MLEC: variants seen among roughly 807,000 people sequenced by gnomAD.
The protein encoded by MLEC is oligosaccharyltransferase complex subunit (non-catalytic).
A neutral mutation model predicts 28.7 loss-of-function variants in MLEC; 7 were observed. That is an observed-to-expected ratio of 0.24 (90% CI 0.14 to 0.46). The LOEUF (loss-of-function observed/expected upper bound fraction) is 0.46. Ranked by LOEUF, MLEC falls within the 20% of genes least tolerant of loss-of-function variation. The probability of loss-of-function intolerance (pLI) is 0.99; values close to 1 mark genes in which losing one functional copy is unlikely to be tolerated. For synonymous variants in MLEC, 142 were observed against 164.4 expected (o/e 0.86, Z 1.04); for missense variants, 237 against 391.1 (o/e 0.61, Z 3.32).
At chr12:120,688,191 G>A (rs1054980285) in intron 1 of MLEC, among the ~76,000 whole-genome samples, 1 of 152,218 alleles carries the variant, frequency 6.6e-6, no homozygotes, top group African/African-American at 2.4e-5. Flanking sequence ...ATCAGAGAAT[G>A]CTTACAACCT....
Position 120,694,953 on chromosome 12 carries a change from G to C in MLEC, c.544G>C (p.Gly182Arg), listed in dbSNP as rs149868910. The C allele has an allele frequency of 2.5e-6, 4 of 1,614,210 alleles. No individual in the cohort carries two copies. Among genetic ancestry groups the C allele is most frequent in the Non-Finnish European group, 2.5e-6 (3 of 1,180,032 alleles). The change falls in exon 3 of 5, where the codon GGG becomes CGG. Residue 182 changes from glycine to arginine, a missense_variant. Physicochemically the swap from Gly to Arg is moderately radical, Grantham distance 125. Coordinates refer to ENST00000228506, the MANE Select transcript of MLEC (RefSeq NM_014730.4). The surrounding 1 kb of genome is among the most constrained non-coding windows in gnomAD (Gnocchi z 4.5). ...CAGAAAGGGGAAGCTGAGTGTCCAG[G>C]GGGAGGTGTCCACCTTCACAGGGAA... The part of the protein sequence containing the change: ...SIRKGKLSVQ[G>R]EVSTFTGKLY...
chr12:120,691,329 T>C (rs1162234748), intron 1 of MLEC, among the ~76,000 whole-genome samples: 1 of 152,250 alleles, frequency 6.6e-6, no homozygotes, highest in Non-Finnish European at 1.5e-5. Flanking sequence ...GATTGTTTTA[T>C]CCTTACCACA....
intron 1 of MLEC, among the ~76,000 whole-genome samples, chr12:120,692,916 T>G (rs1882092399): frequency 6.6e-6 from 1 of 152,030 alleles, no homozygotes; most frequent in Non-Finnish European, 1.5e-5. Flanking sequence ...ATGTGATATC[T>G]TATATTTGCA....
At position 120,687,577 on chromosome 12, in the gene MLEC, T is replaced by C; in HGVS notation, c.235+46T>C. ...CCGCGGGATCCAGGGCCTGCTGTGCTGGGCGCAGCCGGCCGGGGGCTGCGG... is the reference window on the plus strand; with the variant it reads ...CCGCGGGATCCAGGGCCTGCTGTGCCGGGCGCAGCCGGCCGGGGGCTGCGG... On this transcript the variant is annotated intron_variant, in intron 1 of 4. Coordinates refer to ENST00000228506, the MANE Select transcript of MLEC (RefSeq NM_014730.4). The surrounding 1 kb of genome is among the most constrained non-coding windows in gnomAD (Gnocchi z 8.1). The C allele has an allele frequency of 1.4e-6, 2 of 1,401,596 alleles. No homozygotes were observed. The highest frequency in any genetic ancestry group is 1.9e-6 in the Non-Finnish European group (2 of 1,060,704). The allele number at this position is 1,401,596 out of a possible 1,614,324, so 86.8% of individuals were successfully genotyped here.
At chr12:120,695,263 TG>T in intron 4 of MLEC, 111 bp downstream of exon 4, 1 of 1,155,870 alleles carries the variant, frequency 8.7e-7, no homozygotes. Flanking sequence ...AAAGCTAAAT[TG>T]TAGGGGATTC....
At position 120,696,641 on chromosome 12, in the gene MLEC, A is replaced by C. The variant is rs1592919286; in HGVS notation, c.*96A>C. The C allele has an allele frequency of 3.9e-6, 6 of 1,519,250 alleles. No homozygotes were observed. The highest frequency in any genetic ancestry group is 2.3e-5 in the East Asian group (1 of 44,284). 94.1% of individuals were successfully genotyped at this position (1,519,250 alleles called of 1,614,324 possible). A position where few individuals can be genotyped will look rare whatever the true frequency, so the allele number is the denominator to read the frequency against. ...GTATTTTTCACAATGATTAATGAAC[A>C]AAAACAAAGAGAAAAAAACACACAT... On this transcript the variant is annotated 3_prime_UTR_variant, in exon 5 of 5. Coordinates refer to ENST00000228506, the MANE Select transcript of MLEC (RefSeq NM_014730.4). The surrounding 1 kb of genome is among the most constrained non-coding windows in gnomAD (Gnocchi z 5.4).
intron 1 of MLEC, among the ~76,000 whole-genome samples, chr12:120,688,199 C>T (rs1881900624): frequency 6.6e-6 from 1 of 152,176 alleles, no homozygotes; most frequent in South Asian, 2.1e-4. Context: ...ATGCTTACAA[C>T]CTCCCCTAGG....
At chr12:120,692,141 C>T (rs1882061648) in intron 1 of MLEC, among the ~76,000 whole-genome samples, 1 of 152,116 alleles carries the variant, frequency 6.6e-6, no homozygotes, top group African/African-American at 2.4e-5. Context: ...GCTTGGGCAA[C>T]AAGAGCGAAA....
In MLEC at chr12:120,700,637, G is replaced by A. The variant is rs947172987; in HGVS notation, c.*4092G>A. On this transcript the variant is annotated 3_prime_UTR_variant, in exon 5 of 5. Coordinates refer to ENST00000228506, the MANE Select transcript of MLEC (RefSeq NM_014730.4). This position sits in a 1 kb window ranked among gnomAD's most constrained non-coding sequence, Gnocchi z 4.0. ...TGGAAAGATATAATTAACGATCAAA[G>A]AGCTCTAAGAAAATTGCAAAGAAGC... 1 of 152,166 alleles carries A rather than the reference G, an allele frequency of 6.6e-6. No homozygotes were observed. Among genetic ancestry groups the A allele is most frequent in the Non-Finnish European group, 1.5e-5 (1 of 68,024 alleles). The allele number at this position is 152,166 out of a possible 1,614,324, so 9.4% of individuals were successfully genotyped here.
chr12:120,699,454 G>A lies in MLEC; in HGVS notation c.*2909G>A, dbSNP rs1389048840. On this transcript the variant is annotated 3_prime_UTR_variant, in exon 5 of 5. Coordinates refer to ENST00000228506, the MANE Select transcript of MLEC (RefSeq NM_014730.4). ...GAATTTCTGGGAGGATGACGCAGAT[G>A]TCTGCTGCAGAGCTGGGCTGAGAGT... The A allele has an allele frequency of 6.6e-6, 1 of 152,238 alleles. No individual in the cohort carries two copies. Among genetic ancestry groups the A allele is most frequent in the African/African-American group, 2.4e-5 (1 of 41,448 alleles). The allele number at this position is 152,238 out of a possible 1,614,324, so 9.4% of individuals were successfully genotyped here.
Position 120,696,362 on chromosome 12 carries a change from GGAAGAA to G in MLEC, c.709_714del (p.Glu237_Glu238del), listed in dbSNP as rs750509479. 1.9e-6 allele frequency: 3 copies of G among 1,613,912 alleles called. No homozygotes were observed. The highest frequency in any genetic ancestry group is 2.5e-6 in the Non-Finnish European group (3 of 1,179,922). The stretch of plus-strand genomic sequence containing the variant: ...ATCCGGGATTGGAGAAGAAAGAAGA[GGAAGAA>G]GAAGAAGAAGAATATGATGAAGGGT... On this transcript the variant is annotated inframe_deletion, in exon 5 of 5. Transcript: ENST00000228506. The surrounding 1 kb of genome is among the most constrained non-coding windows in gnomAD (Gnocchi z 5.4).
At chr12:120,695,353 C>A (rs1882190822) in intron 4 of MLEC, among the ~76,000 whole-genome samples, 1 of 152,230 alleles carries the variant, frequency 6.6e-6, no homozygotes, top group South Asian at 2.1e-4. Flanking sequence ...TATCTTGTTG[C>A]TGCCATTTAA....
chr12:120,690,714 C>G (rs1441319285), intron 1 of MLEC, among the ~76,000 whole-genome samples: 1 of 152,172 alleles, frequency 6.6e-6, no homozygotes. Context: ...AAGGAATACC[C>G]TTTCCTGGGC....
rs1476842138 is a variant in MLEC, at chr12:120,687,723, A to G, written c.235+192A>G. ...CTGGCTCCAAGGTACCTAGAGTCAT[A>G]CAGGCAGAGAGTTGGCCAGAAGTTA... On this transcript the variant is annotated intron_variant, in intron 1 of 4. Transcript: ENST00000228506. This position sits in a 1 kb window ranked among gnomAD's most constrained non-coding sequence, Gnocchi z 8.1. Among the ~76,000 whole-genome samples, 1 of 152,214 alleles carries G rather than the reference A, an allele frequency of 6.6e-6. No homozygotes were observed. Among genetic ancestry groups the G allele is most frequent in the African/African-American group, 2.4e-5 (1 of 41,456 alleles).
At position 120,696,988 on chromosome 12, in the gene MLEC, T is replaced by G. The variant is rs1014749365; in HGVS notation, c.*443T>G. ...GTCTGAAGTTATGTCTAGATAAGAC[T>G]TCAGACGTCCTGGGATTGAAAGAAT... On this transcript the variant is annotated 3_prime_UTR_variant, in exon 5 of 5. Coordinates refer to ENST00000228506, the MANE Select transcript of MLEC (RefSeq NM_014730.4). The surrounding 1 kb of genome is among the most constrained non-coding windows in gnomAD (Gnocchi z 5.4). 1 of 158,918 alleles carries G rather than the reference T, an allele frequency of 6.3e-6. No homozygotes were observed. Among genetic ancestry groups the G allele is most frequent in the Non-Finnish European group, 1.4e-5 (1 of 72,442 alleles). The allele number at this position is 158,918 out of a possible 1,614,324, so 9.8% of individuals were successfully genotyped here.
Position 120,694,679 on chromosome 12 carries a change from G to A in MLEC, c.415-145G>A, listed in dbSNP as rs1882161524. 2 of 783,070 alleles carry A rather than the reference G, an allele frequency of 2.6e-6. No individual in the cohort carries two copies. The highest frequency in any genetic ancestry group is 4.1e-6 in the Non-Finnish European group (2 of 487,880). The allele number at this position is 783,070 out of a possible 1,614,324, so 48.5% of individuals were successfully genotyped here. ...ACGGCTTTGATTTGACCCGGGTTAAGGATGCTAACCACCCTGGATATCCAG... is the reference window on the plus strand; with the variant it reads ...ACGGCTTTGATTTGACCCGGGTTAAAGATGCTAACCACCCTGGATATCCAG... On this transcript the variant is annotated intron_variant, in intron 2 of 4. Transcript: ENST00000228506. This position sits in a 1 kb window ranked among gnomAD's most constrained non-coding sequence, Gnocchi z 4.5.
Position 120,687,388 on chromosome 12 carries a change from TCGGCGTGGC to T in MLEC, c.107_115del (p.Val36_Gly38del), listed in dbSNP as rs747942503. 2.1e-4 allele frequency: 288 copies of T among 1,373,830 alleles called. 1 individual carries two copies. In the East Asian group the frequency reaches 6.7e-3, roughly 32 times the overall value. The allele number at this position is 1,373,830 out of a possible 1,614,324, so 85.1% of individuals were successfully genotyped here. On this transcript the variant is annotated inframe_deletion, in exon 1 of 5. Coordinates refer to ENST00000228506, the MANE Select transcript of MLEC (RefSeq NM_014730.4). The surrounding 1 kb of genome is among the most constrained non-coding windows in gnomAD (Gnocchi z 8.1). ...CCGCCGGCGATCCGGGGACCCGGGCTCGGCGTGGCCGGCGTGGCCGGCGCGGCGGGGGCC... is the reference window on the plus strand; with the variant it reads ...CCGCCGGCGATCCGGGGACCCGGGCTCGGCGTGGCCGGCGCGGCGGGGGCC...
chr12:120,696,684 A>G lies in MLEC; in HGVS notation c.*139A>G. The G allele has an allele frequency of 1.5e-6, 2 of 1,309,464 alleles. No homozygotes were observed. Among genetic ancestry groups the G allele is most frequent in the Non-Finnish European group, 2.1e-6 (2 of 961,314 alleles). 81.1% of individuals were successfully genotyped at this position (1,309,464 alleles called of 1,614,324 possible). On this transcript the variant is annotated 3_prime_UTR_variant, in exon 5 of 5. Transcript: ENST00000228506. This position sits in a 1 kb window ranked among gnomAD's most constrained non-coding sequence, Gnocchi z 5.4. ...ACACACATCAATTAAAGGAGACAAA[A>G]AGAGGCAGAGCGAGTAGAGAGCAGC...
intron 1 of MLEC, among the ~76,000 whole-genome samples, chr12:120,693,629 T>C (rs1030200858): frequency 5.9e-5 from 9 of 152,246 alleles, no homozygotes; most frequent in Admixed American, 5.2e-4. Context: ...TGTTTTAGAC[T>C]CTGGGCTTTT....
Sources: gnomAD v4.1 joint callset for allele counts (sites outside exome capture counted in the v4.1 genomes callset) on GRCh38, gnomAD v4.1.1 for gene constraint, Gnocchi (gnomAD v3.1) non-coding constraint, MANE v1.5 for transcripts, NCBI Gene and HGNC (gene_info 2026-07-23, HGNC 2026-07-21) for gene names.